Variants in AASS observed in about 807,000 individuals in gnomAD.
AASS encodes aminoadipate-semialdehyde synthase.
Under a neutral mutation model 105.4 loss-of-function variants are expected in AASS, and 86 were observed. That is an observed-to-expected ratio of 0.82 (90% CI 0.69 to 0.98). The LOEUF is 0.98. AASS is among the 50% of genes least tolerant of loss of function. The pLI is 0.00. For missense variants in AASS, 1,048 were observed against 1,143.2 expected, an observed-to-expected ratio of 0.92 and a Z score of 1.20; for synonymous variants, 381 against 394.8, an observed-to-expected ratio of 0.96 and a Z score of 0.41.
At chr7:122,131,047 A>AG (rs1475488588) in intron 2 of AASS, among the ~76,000 whole-genome samples, 2 of 151,072 alleles carry the variant, frequency 1.3e-5, no homozygotes, top group Non-Finnish European at 3.0e-5. Context: ...AAAAAAAAAA[A>AG]GAAAAAACAA....
chr7:122,097,445 A>G (rs992201959), intron 15 of AASS, among the ~76,000 whole-genome samples: 4 of 151,946 alleles, frequency 2.6e-5, no homozygotes, highest in African/African-American at 9.7e-5. Context: ...TTATGGGGGT[A>G]TGGTGTACAG....
At chr7:122,080,877 T>TCCTTGTG (rs1793282955) in intron 20 of AASS, among the ~76,000 whole-genome samples, 2 of 152,212 alleles carry the variant, frequency 1.3e-5, no homozygotes, top group African/African-American at 4.8e-5. Flanking sequence ...CTGGCATTTC[T>TCCTTGTG]ACTGGAATAC....
At chr7:122,129,991 C>T (rs1795838931) in intron 2 of AASS, among the ~76,000 whole-genome samples, 1 of 151,724 alleles carries the variant, frequency 6.6e-6, no homozygotes, top group Non-Finnish European at 1.5e-5. Flanking sequence ...TACATTAGTC[C>T]GTGCTAGAGA....
intron 18 of AASS, 75 bp from the exon 19 acceptor site, chr7:122,086,254 CA>C: frequency 1.5e-6 from 2 of 1,368,032 alleles, no homozygotes; most frequent in South Asian, 2.6e-5. Context: ...ATTATACGAA[CA>C]AAGAAAGCAA....
At chr7:122,117,503 CA>C (rs1267504329) in intron 6 of AASS, among the ~76,000 whole-genome samples, 1 of 152,024 alleles carries the variant, frequency 6.6e-6, no homozygotes, top group Non-Finnish European at 1.5e-5. Flanking sequence ...TGCAAAACTC[CA>C]AGTAGTCTTA....
chr7:122,077,808 C>T (rs760663934), intron 23 of AASS, 30 bp downstream of exon 23: 2 of 1,614,038 alleles, frequency 1.2e-6, no homozygotes, highest in South Asian at 2.2e-5. Flanking sequence ...GAAACAGAAA[C>T]AGGCTTACAC....
chr7:122,121,399 T>C (rs1414750152), intron 4 of AASS, among the ~76,000 whole-genome samples: 2 of 152,168 alleles, frequency 1.3e-5, no homozygotes, highest in Non-Finnish European at 2.9e-5. Flanking sequence ...TTTAAAGAAT[T>C]TTTTTGTTTT....
At chr7:122,128,950 C>G (rs1178929960) in intron 3 of AASS, among the ~76,000 whole-genome samples, 1 of 152,026 alleles carries the variant, frequency 6.6e-6, no homozygotes, top group African/African-American at 2.4e-5. Flanking sequence ...TGTTGGCTGG[C>G]GCCTGTAGTC....
At chr7:122,081,474 A>G (rs1338729753) in intron 20 of AASS, 26 bp downstream of exon 20, 2 of 1,548,786 alleles carry the variant, frequency 1.3e-6, no homozygotes, top group African/African-American at 2.7e-5. Flanking sequence ...AAAGGAGCAG[A>G]TAGAACGTAA....
At chr7:122,140,294 G>A (rs1796323844) in intron 1 of AASS, among the ~76,000 whole-genome samples, 1 of 151,538 alleles carries the variant, frequency 6.6e-6, no homozygotes, top group Admixed American at 6.6e-5. Flanking sequence ...GACCGTCCTG[G>A]CTGACACGGT....
chr7:122,078,919 G>A lies in AASS; in HGVS notation c.2428C>T (p.Gln810Ter), dbSNP rs1027015345. ...AGGGCATCCAGAATGGACTCTGCCT[G>A]AGGAACTTGTTCATCCCCAAGTAAG... ...LGLLGDEQVP[Q>*]AESILDALSK... Residue 810 changes from glutamine to a stop codon, truncating the protein, a stop_gained, in exon 22 of 24, where the codon CAG becomes TAG. Coordinates refer to ENST00000417368, the MANE Select transcript of AASS (RefSeq NM_005763.4). LOFTEE classifies it high-confidence loss of function. The A allele has an allele frequency of 8.7e-6, 14 of 1,614,036 alleles. No homozygotes were observed. Among genetic ancestry groups the A allele is most frequent in the Admixed American group, 3.3e-5 (2 of 60,000 alleles).
chr7:122,114,818 G>T (rs934693947), intron 9 of AASS, among the ~76,000 whole-genome samples: 19 of 152,100 alleles, frequency 1.2e-4, no homozygotes, highest in African/African-American at 4.3e-4. Context: ...AAGGCAGGAG[G>T]TCTGCTTGGG....
chr7:122,077,744 G>A, intron 23 of AASS, 94 bp downstream of exon 23: 2 of 1,465,516 alleles, frequency 1.4e-6, no homozygotes, highest in Non-Finnish European at 1.9e-6. Flanking sequence ...GTAAATGCCT[G>A]TGTTACGCTC....
At chr7:122,111,584 T>C (rs771098995) in intron 11 of AASS, among the ~76,000 whole-genome samples, 23 of 152,230 alleles carry the variant, frequency 1.5e-4, no homozygotes, top group Non-Finnish European at 1.8e-4. Flanking sequence ...CATTATAAAA[T>C]TTTAGAAGTA....
At chr7:122,095,829 A>G (rs926950379) in intron 15 of AASS, among the ~76,000 whole-genome samples, 1 of 152,170 alleles carries the variant, frequency 6.6e-6, no homozygotes, top group Non-Finnish European at 1.5e-5. Context: ...CCAAATATTA[A>G]TAGAAAATGT....
Position 122,115,193 on chromosome 7 carries a change from A to G in AASS, c.924T>C (p.Asn308=). The change falls in exon 9 of 24, where the codon AAT becomes AAC. Residue 308 remains asparagine, a synonymous_variant. Coordinates refer to ENST00000417368, the MANE Select transcript of AASS (RefSeq NM_005763.4). ...DIAPYTTCLI[N]GIYWEQNTPR... ...GAGTGTTTTGTTCCCAGTAGATTCCATTAATTAAGCAAGTTGTATAGGGTG... is the reference window on the plus strand; with the variant it reads ...GAGTGTTTTGTTCCCAGTAGATTCCGTTAATTAAGCAAGTTGTATAGGGTG... 1.2e-6 allele frequency: 2 copies of G among 1,614,178 alleles called. No homozygotes were observed. The highest frequency in any genetic ancestry group is 8.5e-7 in the Non-Finnish European group (1 of 1,180,024).
intron 3 of AASS, among the ~76,000 whole-genome samples, chr7:122,129,077 C>CA (rs969838601): frequency 1.7e-4 from 25 of 150,874 alleles, no homozygotes; most frequent in African/African-American, 2.7e-4. Context: ...GACTCCATCT[C>CA]AAAAAAAAAT....
rs1179848174 is a variant in AASS at position 122,075,811 on chromosome 7, T to C, written c.*678A>G. 6.6e-6 allele frequency: 1 copy of C among 152,152 alleles called. No homozygotes were observed. Among genetic ancestry groups the C allele is most frequent in the African/African-American group, 2.4e-5 (1 of 41,434 alleles). The allele number at this position is 152,152 out of a possible 1,614,324, so 9.4% of individuals were successfully genotyped here. A position where few individuals can be genotyped will look rare whatever the true frequency, so the allele number is the denominator to read the frequency against. On this transcript the variant is annotated 3_prime_UTR_variant, in exon 24 of 24. Transcript: ENST00000417368. ...ATAACTTTACAAAAAGGGCATAAAA[T>C]AGCATTTTGGCAAAAACTTAACTTA...
intron 1 of AASS, among the ~76,000 whole-genome samples, chr7:122,139,975 A>G (rs573096527): frequency 6.6e-6 from 1 of 152,110 alleles, no homozygotes; most frequent in South Asian, 2.1e-4. Context: ...CAAACAAACA[A>G]ACAAATGATG....
Sources: gnomAD v4.1 joint callset for allele counts (sites outside exome capture counted in the v4.1 genomes callset) on GRCh38, gnomAD v4.1.1 for gene constraint, MANE v1.5 for transcripts, NCBI Gene and HGNC (gene_info 2026-07-23, HGNC 2026-07-21) for gene names.